Variants in OGA observed in about 807,000 individuals in gnomAD.
OGA encodes the protein protein O-GlcNAcase.
Under a neutral mutation model 102.0 loss-of-function variants are expected in OGA, and 21 were observed. That is an observed-to-expected ratio of 0.21 (90% confidence interval 0.15 to 0.30). The LOEUF (loss-of-function observed/expected upper bound fraction) is 0.30, where lower values mean the gene tolerates loss of function less well. OGA is among the 10% of genes least tolerant of loss of function. The pLI is 1.00. For synonymous variants in OGA, 408 were observed against 378.2 expected (o/e 1.08, Z -0.91); for missense variants, 765 against 1,107.8 (o/e 0.69, Z 4.39).
chr10:101,801,752 G>C (rs2065395130), intron 7 of OGA, among the ~76,000 whole-genome samples: 1 of 152,200 alleles, frequency 6.6e-6, no homozygotes, highest in South Asian at 2.1e-4. Context: ...ATTCAAAGCA[G>C]AGGTATGGAA....
At chr10:101,805,317 A>C (rs1217199283) in intron 6 of OGA, among the ~76,000 whole-genome samples, 3 of 152,108 alleles carry the variant, frequency 2.0e-5, no homozygotes, top group Non-Finnish European at 4.4e-5. Context: ...ATGTTTTTTC[A>C]TATTAAGAGA....
intron 1 of OGA, among the ~76,000 whole-genome samples, chr10:101,816,414 G>A (rs1344380081): frequency 6.6e-6 from 1 of 152,190 alleles, no homozygotes; most frequent in Admixed American, 6.5e-5. Flanking sequence ...GCCTTTTAAT[G>A]CTATTCTAAA....
chr10:101,814,080 C>T (rs1462635588), intron 1 of OGA, among the ~76,000 whole-genome samples: 2 of 151,202 alleles, frequency 1.3e-5, no homozygotes, highest in Non-Finnish European at 3.0e-5. Context: ...GTAATCCCAG[C>T]ACTTTGGGAG....
chr10:101,792,745 G>C (rs1055604022), intron 12 of OGA, 94 bp downstream of exon 12: 3 of 845,826 alleles, frequency 3.5e-6, no homozygotes, highest in African/African-American at 3.4e-5. Flanking sequence ...GCAGTTTTAA[G>C]ACAGAAGGAT....
At chr10:101,805,999 G>A (rs1452907689) in intron 6 of OGA, 46 bp downstream of exon 6, 1 of 1,298,556 alleles carries the variant, frequency 7.7e-7, no homozygotes, top group East Asian at 2.3e-5. Context: ...ATTTCTGCAA[G>A]TCCTACTTAA....
At chr10:101,786,889 T>TC (rs1456414053) in intron 15 of OGA, among the ~76,000 whole-genome samples, 1 of 152,158 alleles carries the variant, frequency 6.6e-6, no homozygotes, top group Non-Finnish European at 1.5e-5. Context: ...TGCCTCAGCC[T>TC]CCCGAGTAGC....
intron 3 of OGA, among the ~76,000 whole-genome samples, chr10:101,811,406 GAA>G (rs67433227): frequency 0.22 from 9,839 of 45,532 alleles, 406 homozygotes; most frequent in Non-Finnish European, 0.26. Context: ...GAAAAAAAAT[GAA>G]AAAAAAAAAA....
intron 10 of OGA, 61 bp from the exon 11 acceptor site, chr10:101,794,059 A>C (rs1248948366): frequency 8.2e-7 from 1 of 1,221,170 alleles, no homozygotes; most frequent in Non-Finnish European, 1.2e-6. Flanking sequence ...GGGGTCTCAA[A>C]TGTCCAACAA....
At chr10:101,806,284 C>A in intron 5 of OGA, 141 bp from the exon 6 acceptor site, 2 of 532,614 alleles carry the variant, frequency 3.8e-6, no homozygotes, top group South Asian at 2.0e-5. Context: ...CTCACTGCAA[C>A]CTCTGCCTCC....
intron 1 of OGA, among the ~76,000 whole-genome samples, chr10:101,816,080 T>C (rs1480884547): frequency 6.7e-6 from 1 of 148,376 alleles, no homozygotes; most frequent in South Asian, 2.1e-4. Context: ...GAAACCTGCC[T>C]GGGCAACACG....
Position 101,818,435 on chromosome 10 carries a change from G to C in OGA, c.-413C>G, listed in dbSNP as rs2065672821. 2.0e-6 allele frequency: 2 copies of C among 1,007,774 alleles called. No homozygotes were observed. The highest frequency in any genetic ancestry group is 2.4e-6 in the Non-Finnish European group (2 of 843,982). 62.4% of individuals were successfully genotyped at this position (1,007,774 alleles called of 1,614,324 possible). A position where few individuals can be genotyped will look rare whatever the true frequency, so the allele number is the denominator to read the frequency against. On this transcript the variant is annotated 5_prime_UTR_variant, in exon 1 of 16. Coordinates refer to ENST00000361464, the MANE Select transcript of OGA (RefSeq NM_012215.5). Reference sequence around the variant, plus strand: ...CTGCTGCCTCCACCGCCCGCTTCCTGTTTATCCGCACTGCGCTTGCGCTGC... The same window carrying C: ...CTGCTGCCTCCACCGCCCGCTTCCTCTTTATCCGCACTGCGCTTGCGCTGC...
rs143057379 is a variant in OGA, at chr10:101,799,092, C to T, written c.1559G>A (p.Cys520Tyr). ...TTGCATGGGGGCAATGTCACTAATACAATCTTCTTGCATGGACATCTCTGG... is the reference window on the plus strand; with the variant it reads ...TTGCATGGGGGCAATGTCACTAATATAATCTTCTTGCATGGACATCTCTGG... ...KSPEMSMQEDCISDIAPMQTD... is the reference protein window; with the variant it reads ...KSPEMSMQEDYISDIAPMQTD... The change falls in exon 9 of 16, where the codon TGT (cysteine) becomes TAT (tyrosine). Residue 520 changes from cysteine to tyrosine, a missense_variant. Cys to Tyr is a radical substitution (Grantham distance 194). Coordinates refer to ENST00000361464, the MANE Select transcript of OGA (RefSeq NM_012215.5). 156 of 1,614,190 alleles carry T rather than the reference C, an allele frequency of 9.7e-5. 1 individual carries two copies. The East Asian group carries it at 2.5e-3, about 26-fold the overall frequency.
At chr10:101,795,901 G>A (rs1335195638) in intron 10 of OGA, 2 of 982,574 alleles carry the variant, frequency 2.0e-6, no homozygotes, top group Non-Finnish European at 2.4e-6. Flanking sequence ...GTAAGAGCTT[G>A]AGATTGTGTA....
intron 14 of OGA, among the ~76,000 whole-genome samples, chr10:101,789,810 C>CA (rs890304186): frequency 5.3e-5 from 8 of 151,710 alleles, no homozygotes; most frequent in African/African-American, 7.3e-5. Flanking sequence ...CCCATCTCTA[C>CA]AAAAAAAATA....
At chr10:101,793,712 G>A (rs557786082) in intron 11 of OGA, 49 of 477,924 alleles carry the variant, frequency 1.0e-4, no homozygotes, top group South Asian at 9.3e-4. Flanking sequence ...TCGCAGGCGC[G>A]GGGGGGATTG....
chr10:101,808,002 A>C, intron 4 of OGA, 101 bp from the exon 5 acceptor site: 1 of 962,632 alleles, frequency 1.0e-6, no homozygotes, highest in Admixed American at 3.2e-5. Context: ...TTTCCTTACT[A>C]GAATGTTCAA....
chr10:101,806,327 C>T (rs1244081803), intron 5 of OGA, among the ~76,000 whole-genome samples, 184 bp from the exon 6 acceptor site: 1 of 152,198 alleles, frequency 6.6e-6, no homozygotes, highest in African/African-American at 2.4e-5. Context: ...CTCAGCCTCC[C>T]AAGCAGCTGG....
At chr10:101,793,084 T>C (rs1032515081) in intron 11 of OGA, 141 bp from the exon 12 acceptor site, 2 of 576,544 alleles carry the variant, frequency 3.5e-6, no homozygotes, top group Admixed American at 6.1e-5. Flanking sequence ...TATGCTTTAC[T>C]AATAGAAATA....
intron 12 of OGA, among the ~76,000 whole-genome samples, chr10:101,792,160 A>C (rs965537282): frequency 1.3e-5 from 2 of 152,046 alleles, no homozygotes; most frequent in Non-Finnish European, 2.9e-5. Context: ...CTGGGACTAT[A>C]GGCACCCACC....
Sources: allele counts gnomAD v4.1 joint callset (sites outside exome capture counted in the v4.1 genomes callset), GRCh38; gene constraint gnomAD v4.1.1; transcripts MANE v1.5; gene names NCBI Gene and HGNC (gene_info 2026-07-23, HGNC 2026-07-21).